The following CNTNAP2 variants were observed in gnomAD, a reference collection of about 807,000 sequenced individuals.
CNTNAP2 encodes the protein contactin-associated protein-like 2.
In CNTNAP2, 98 loss-of-function variants were observed where a neutral mutation model predicts 155.2. The observed-to-expected ratio is 0.63, with a 90% confidence interval of 0.54 to 0.75. The LOEUF is 0.75. Ranked by LOEUF, CNTNAP2 falls within the 30% of genes least tolerant of loss-of-function variation. CNTNAP2 has a pLI of 0.00. For synonymous variants in CNTNAP2, 651 were observed against 631.2 expected (o/e 1.03, Z -0.47); for missense variants, 1,727 against 1,688.1 (o/e 1.02, Z -0.40).
In CNTNAP2 at chr7:148,351,689, G is replaced by GCC. The variant is rs200324779; in HGVS notation, c.3476-31959_3476-31958dup. Among the ~76,000 whole-genome samples the GCC allele has an allele frequency of 4.4e-3, 597 of 135,430 alleles. 4 individuals are homozygous for GCC. Among genetic ancestry groups the GCC allele is most frequent in the African/African-American group, 0.015 (559 of 36,478 alleles). The allele number at this position is 135,430 out of a possible 152,430, so 88.8% of individuals were successfully genotyped here. A position where few individuals can be genotyped will look rare whatever the true frequency, so the allele number is the denominator to read the frequency against. Reference sequence around the variant, plus strand: ...ACCCAGGAGCCGGAGGTTGCAGTGAGCCGAGATCACGCCTCTGCACTCCAG... The same window carrying GCC: ...ACCCAGGAGCCGGAGGTTGCAGTGAGCCCCGAGATCACGCCTCTGCACTCCAG... On this transcript the variant is annotated intron_variant, in intron 21 of 23. Transcript: ENST00000361727.
intron 14 of CNTNAP2, among the ~76,000 whole-genome samples, chr7:147,975,359 C>T (rs1032957976): frequency 6.6e-6 from 1 of 152,036 alleles, no homozygotes; most frequent in South Asian, 2.1e-4. Flanking sequence ...TGTTCTAAAT[C>T]ATTATGTGGG....
intron 1 of CNTNAP2, among the ~76,000 whole-genome samples, chr7:146,462,539 C>T (rs1327276564): frequency 6.6e-6 from 1 of 152,144 alleles, no homozygotes. Flanking sequence ...TAGTTGATCT[C>T]TTTATTAAAG....
At chr7:147,023,036 A>G (rs1447081447) in intron 3 of CNTNAP2, among the ~76,000 whole-genome samples, 2 of 152,190 alleles carry the variant, frequency 1.3e-5, no homozygotes, top group African/African-American at 4.8e-5. Context: ...AACTTGTCAT[A>G]GGCCTGCCTT....
intron 3 of CNTNAP2, among the ~76,000 whole-genome samples, chr7:146,850,716 A>T (rs968383505): frequency 2.0e-5 from 3 of 152,020 alleles, no homozygotes; most frequent in Non-Finnish European, 2.9e-5. Flanking sequence ...GCAAAAAAAA[A>T]TTGTAATGGT....
intron 3 of CNTNAP2, among the ~76,000 whole-genome samples, chr7:146,942,342 A>G (rs1377718208): frequency 2.0e-5 from 3 of 152,174 alleles, no homozygotes; most frequent in Non-Finnish European, 4.4e-5. Flanking sequence ...CCCTCAGCAG[A>G]GAGAATAAGA....
At chr7:148,136,739 T>A (rs1804959206) in intron 16 of CNTNAP2, among the ~76,000 whole-genome samples, 1 of 152,130 alleles carries the variant, frequency 6.6e-6, no homozygotes, top group African/African-American at 2.4e-5. Context: ...CTGCAACTGT[T>A]CTCTCGATGG....
chr7:147,278,129 A>C (rs1407218703), intron 8 of CNTNAP2, among the ~76,000 whole-genome samples: 1 of 8,062 alleles, frequency 1.2e-4, no homozygotes, highest in Non-Finnish European at 2.0e-4. Context: ...AAACCATGCA[A>C]AAAAAAAAAA....
chr7:146,393,393 G>A (rs1795573080), intron 1 of CNTNAP2, among the ~76,000 whole-genome samples: 1 of 152,130 alleles, frequency 6.6e-6, no homozygotes, highest in Admixed American at 6.6e-5. Context: ...ACTAGTTTCG[G>A]GAAATTTTTC....
At chr7:146,125,501 A>G (rs903554113) in intron 1 of CNTNAP2, among the ~76,000 whole-genome samples, 2 of 145,174 alleles carry the variant, frequency 1.4e-5, no homozygotes, top group African/African-American at 5.2e-5. Context: ...GCGTGAACCC[A>G]GGAGGCGGAG....
At chr7:147,256,948 AAG>A (rs1804342997) in intron 8 of CNTNAP2, among the ~76,000 whole-genome samples, 1 of 152,150 alleles carries the variant, frequency 6.6e-6, no homozygotes, top group Admixed American at 6.5e-5. Context: ...AAGGGGGAAA[AAG>A]AGAAAAAAAA....
intron 1 of CNTNAP2, among the ~76,000 whole-genome samples, chr7:146,583,634 T>C (rs1798645330): frequency 6.6e-6 from 1 of 152,182 alleles, no homozygotes; most frequent in African/African-American, 2.4e-5. Flanking sequence ...TTTAAATCAG[T>C]TCTTATAAAA....
Position 146,956,652 on chromosome 7 carries a change from C to T in CNTNAP2, c.403-87255C>T, listed in dbSNP as rs562106414. 3.9e-5 allele frequency among the ~76,000 whole-genome samples: 6 copies of T among 152,236 alleles called. No individual in the cohort carries two copies. The East Asian group carries it at 1.2e-3, about 29-fold the overall frequency. On this transcript the variant is annotated intron_variant, in intron 3 of 23. Coordinates refer to ENST00000361727, the MANE Select transcript of CNTNAP2 (RefSeq NM_014141.6). ...TGTATTTCCTACTCAGGACAATTTC[C>T]AGCACTTTTCTTTTGGGATTTAGGC...
chr7:147,299,114 A>G (rs1378498180), intron 8 of CNTNAP2, among the ~76,000 whole-genome samples: 4 of 152,196 alleles, frequency 2.6e-5, no homozygotes, highest in African/African-American at 9.7e-5. Context: ...GAAGAAGAAT[A>G]GCACAAAATA....
At chr7:146,643,273 T>C (rs1048376349) in intron 1 of CNTNAP2, among the ~76,000 whole-genome samples, 4 of 151,402 alleles carry the variant, frequency 2.6e-5, no homozygotes, top group African/African-American at 9.7e-5. Flanking sequence ...GGTTTTCTTC[T>C]AGGGTTTTTA....
intron 1 of CNTNAP2, among the ~76,000 whole-genome samples, chr7:146,117,891 T>C (rs1797509478): frequency 6.6e-6 from 1 of 152,194 alleles, no homozygotes; most frequent in Non-Finnish European, 1.5e-5. Context: ...AATCTTAGGA[T>C]AATATTCATA....
intron 1 of CNTNAP2, among the ~76,000 whole-genome samples, chr7:146,653,414 A>G (rs1799947679): frequency 6.6e-6 from 1 of 152,182 alleles, no homozygotes. Context: ...CACTGCCTTC[A>G]TGGAGCTTCT....
chr7:146,876,011 G>A (rs1795421968), intron 3 of CNTNAP2, among the ~76,000 whole-genome samples: 3 of 149,844 alleles, frequency 2.0e-5, no homozygotes, highest in Non-Finnish European at 4.4e-5. Flanking sequence ...TTTGGGGGCA[G>A]GAGTTGCAGT....
intron 1 of CNTNAP2, among the ~76,000 whole-genome samples, chr7:146,483,335 A>G (rs1329592830): frequency 5.4e-5 from 7 of 129,828 alleles, no homozygotes; most frequent in African/African-American, 2.0e-4. Flanking sequence ...ATATACATAT[A>G]TATATATTTA....
intron 1 of CNTNAP2, among the ~76,000 whole-genome samples, chr7:146,703,609 A>C (rs1011797820): frequency 6.6e-6 from 1 of 152,284 alleles, no homozygotes; most frequent in Non-Finnish European, 1.5e-5. Flanking sequence ...GTTTAAGCAG[A>C]TCTGGGGCCT....
Sources: gnomAD v4.1 joint callset for allele counts (sites outside exome capture counted in the v4.1 genomes callset) on GRCh38, gnomAD v4.1.1 for gene constraint, MANE v1.5 for transcripts, NCBI Gene and HGNC (gene_info 2026-07-23, HGNC 2026-07-21) for gene names.